The following SPOCK1 variants were observed in gnomAD, a reference collection of about 807,000 sequenced individuals.
SPOCK1 encodes the protein testican-1.
A neutral mutation model predicts 55.3 loss-of-function variants in SPOCK1; 23 were observed. The observed-to-expected ratio is 0.42, with a 90% CI of 0.30 to 0.59. The LOEUF is 0.59. SPOCK1 is among the 20% of genes least tolerant of loss of function. The pLI is 0.22. For missense variants in SPOCK1, 499 were observed against 552.5 expected (o/e 0.90, Z 0.97); for synonymous variants, 226 against 221.0 (o/e 1.02, Z -0.20).
At chr5:137,293,087 GAA>G (rs1757404817) in intron 2 of SPOCK1, among the ~76,000 whole-genome samples, 1 of 113,156 alleles carries the variant, frequency 8.8e-6, no homozygotes, top group East Asian at 2.7e-4. Flanking sequence ...TTGGTTTGTT[GAA>G]TTTTTTTTTT....
At chr5:137,387,725 G>A (rs942343490) in intron 2 of SPOCK1, among the ~76,000 whole-genome samples, 5 of 152,202 alleles carry the variant, frequency 3.3e-5, no homozygotes, top group Admixed American at 6.5e-5. Flanking sequence ...ATGTGTCAGT[G>A]TAGGTTCATC....
intron 2 of SPOCK1, among the ~76,000 whole-genome samples, chr5:137,469,151 T>A (rs940622153): frequency 4.6e-5 from 7 of 152,298 alleles, no homozygotes; most frequent in South Asian, 4.1e-4. Context: ...ACATCTTCAA[T>A]CAGTCAATTA....
At chr5:137,108,605 G>A (rs1291744400) in intron 5 of SPOCK1, among the ~76,000 whole-genome samples, 1 of 152,104 alleles carries the variant, frequency 6.6e-6, no homozygotes, top group African/African-American at 2.4e-5. Context: ...TATCCTACAC[G>A]GAATATGGGA....
At chr5:136,993,192 C>T (rs1750979967) in intron 6 of SPOCK1, 1 of 152,214 alleles carries the variant, frequency 6.6e-6, no homozygotes, top group Admixed American at 6.5e-5. Context: ...GTCCTTTCAG[C>T]CCATCTATAA....
chr5:136,985,985 GGCTGATACT>G (rs1279410496), intron 8 of SPOCK1, among the ~76,000 whole-genome samples: 6 of 152,030 alleles, frequency 3.9e-5, no homozygotes, highest in Non-Finnish European at 8.8e-5. Flanking sequence ...TCTTATCTTT[GGCTGATACT>G]GCCTCTTTCT....
At chr5:137,087,495 C>T (rs111637835) in intron 5 of SPOCK1, among the ~76,000 whole-genome samples, 20 of 152,228 alleles carry the variant, frequency 1.3e-4, no homozygotes, top group Non-Finnish European at 2.8e-4. Flanking sequence ...ATCATTAATA[C>T]TGTTATTCTT....
intron 2 of SPOCK1, among the ~76,000 whole-genome samples, chr5:137,486,200 G>A (rs1018490391): frequency 3.9e-5 from 6 of 152,150 alleles, no homozygotes; most frequent in African/African-American, 9.7e-5. Context: ...CTGTTGGCCT[G>A]TTGGCAGTGT....
intron 5 of SPOCK1, among the ~76,000 whole-genome samples, chr5:137,111,944 C>T (rs927686829): frequency 6.6e-6 from 1 of 152,102 alleles, no homozygotes; most frequent in African/African-American, 2.4e-5. Flanking sequence ...CTGAGGCACC[C>T]CCAGAAAAGA....
chr5:137,248,975 T>G (rs1756454398), intron 3 of SPOCK1, among the ~76,000 whole-genome samples: 1 of 152,230 alleles, frequency 6.6e-6, no homozygotes, highest in African/African-American at 2.4e-5. Context: ...TCAAAGATCA[T>G]GATGAGATCT....
At chr5:137,045,165 G>A (rs1421253197) in intron 6 of SPOCK1, among the ~76,000 whole-genome samples, 2 of 151,012 alleles carry the variant, frequency 1.3e-5, no homozygotes, top group South Asian at 2.1e-4. Flanking sequence ...ACCCAGTAAT[G>A]GGATGGCTGG....
intron 2 of SPOCK1, among the ~76,000 whole-genome samples, chr5:137,453,983 A>G (rs1753313092): frequency 6.6e-6 from 1 of 152,190 alleles, no homozygotes; most frequent in African/African-American, 2.4e-5. Context: ...CTCCCTAAGG[A>G]CAAACATTAT....
chr5:137,287,975 A>G (rs761563401), intron 2 of SPOCK1, among the ~76,000 whole-genome samples: 2 of 152,318 alleles, frequency 1.3e-5, no homozygotes, highest in African/African-American at 2.4e-5. Flanking sequence ...AATCAAGAAG[A>G]AGGACAATAA....
intron 2 of SPOCK1, among the ~76,000 whole-genome samples, chr5:137,305,149 C>T (rs1250956021): frequency 6.6e-6 from 1 of 152,206 alleles, no homozygotes; most frequent in Non-Finnish European, 1.5e-5. Context: ...CTTATTCAGG[C>T]TTATGTCTTT....
intron 5 of SPOCK1, among the ~76,000 whole-genome samples, chr5:137,105,746 G>A (rs909876054): frequency 6.6e-6 from 1 of 152,186 alleles, no homozygotes; most frequent in Non-Finnish European, 1.5e-5. Flanking sequence ...ACGTGCTCAG[G>A]CAGAAGGGAA....
intron 3 of SPOCK1, among the ~76,000 whole-genome samples, chr5:137,160,381 A>C (rs2127050343): frequency 7.6e-6 from 1 of 131,626 alleles, no homozygotes; most frequent in South Asian, 2.2e-4. Context: ...TAAAATATTT[A>C]AAACATAAAT....
At chr5:137,247,832 T>A (rs900383870) in intron 3 of SPOCK1, among the ~76,000 whole-genome samples, 17 of 152,172 alleles carry the variant, frequency 1.1e-4, no homozygotes, top group African/African-American at 4.1e-4. Flanking sequence ...TTGCAGGAAC[T>A]AATCCATTTC....
chr5:137,319,808 G>A (rs1426021024), intron 2 of SPOCK1, among the ~76,000 whole-genome samples: 9 of 151,806 alleles, frequency 5.9e-5, no homozygotes, highest in African/African-American at 1.2e-4. Context: ...AGCCAGGCGC[G>A]GTGGCGGGCG....
intron 2 of SPOCK1, among the ~76,000 whole-genome samples, chr5:137,433,682 A>G (rs1752797277): frequency 6.6e-6 from 1 of 152,172 alleles, no homozygotes; most frequent in South Asian, 2.1e-4. Context: ...CTAACCTCCC[A>G]AAAACCTTTA....
intron 3 of SPOCK1, among the ~76,000 whole-genome samples, chr5:137,249,171 A>G (rs537568852): frequency 7.9e-5 from 12 of 152,360 alleles, no homozygotes; most frequent in African/African-American, 2.9e-4. Flanking sequence ...CAGGCAAATA[A>G]CTTGCTTGAG....
Sources: allele counts gnomAD v4.1 joint callset (sites outside exome capture counted in the v4.1 genomes callset), GRCh38; gene constraint gnomAD v4.1.1; transcripts MANE v1.5; gene names NCBI Gene and HGNC (gene_info 2026-07-23, HGNC 2026-07-21).